RAB27A: variants seen among roughly 807,000 people sequenced by gnomAD.
The protein encoded by RAB27A is RAB27A, member RAS oncogene family, also known as ras-related protein Rab-27A.
Under a neutral mutation model 20.8 loss-of-function variants are expected in RAB27A, and 17 were observed. The observed-to-expected ratio is 0.82, with a 90% CI of 0.56 to 1.23. RAB27A has a LOEUF of 1.23. Ranked by LOEUF, RAB27A falls within the 50% of genes most tolerant of loss-of-function variation. The pLI is 0.00. For missense variants in RAB27A, 277 were observed against 266.7 expected (o/e 1.04, Z -0.27); for synonymous variants, 85 against 92.8 (o/e 0.92, Z 0.48).
intron 2 of RAB27A, among the ~76,000 whole-genome samples, chr15:55,311,777 AGTCCAGTTG>A (rs756317838): frequency 2.0e-5 from 3 of 152,178 alleles, no homozygotes; most frequent in Non-Finnish European, 4.4e-5. Flanking sequence ...AGCATGTGAG[AGTCCAGTTG>A]GTCCCAATTC....
intron 2 of RAB27A, among the ~76,000 whole-genome samples, chr15:55,247,365 T>C (rs1896727471): frequency 6.7e-6 from 1 of 149,928 alleles, no homozygotes; most frequent in African/African-American, 2.5e-5. Context: ...GAATTACAAA[T>C]CAGATAGCAC....
chr15:55,228,693 C>G lies in RAB27A; in HGVS notation c.259G>C (p.Ala87Pro), dbSNP rs104894497. ...GQERFRSLTTAFFRDAMGFLL... is the reference protein window; with the variant it reads ...GQERFRSLTTPFFRDAMGFLL... ...AAACCCATAGCATCTCTGAAGAACGCTGTCGTTAAGCTACGAAACCTAGGA... is the reference window on the plus strand; with the variant it reads ...AAACCCATAGCATCTCTGAAGAACGGTGTCGTTAAGCTACGAAACCTAGGA... Residue 87 changes from alanine (A) to proline (P), a missense_variant, in exon 5 of 7, where the codon GCG becomes CCG. By Grantham distance (27) the Ala-to-Pro change is conservative. Transcript: ENST00000336787. 277 of 1,613,508 alleles carry G rather than the reference C, an allele frequency of 1.7e-4. No homozygotes were observed. Among genetic ancestry groups the G allele is most frequent in the Non-Finnish European group, 2.2e-4 (265 of 1,179,552 alleles).
rs558141625 is a variant in RAB27A at position 55,259,825 on chromosome 15, C to T, written c.-23+10340G>A. On this transcript the variant is annotated intron_variant, in intron 2 of 6. Coordinates refer to ENST00000336787, the MANE Select transcript of RAB27A (RefSeq NM_183235.3). ...TGTTTCAGGGCTTTACATTTGGTTT[C>T]GCTGGTCATTTTGACCATCCCTGGG... 7 of 152,240 alleles carry T rather than the reference C, an allele frequency of 4.6e-5. No homozygotes were observed. In the East Asian group the frequency reaches 9.7e-4, roughly 21 times the overall value. The allele number at this position is 152,240 out of a possible 1,614,324, so 9.4% of individuals were successfully genotyped here.
chr15:55,279,352 G>A (rs1243060674), intron 1 of RAB27A, among the ~76,000 whole-genome samples: 2 of 152,174 alleles, frequency 1.3e-5, no homozygotes, highest in Non-Finnish European at 2.9e-5. Flanking sequence ...AATCACCTAG[G>A]ATATGTGATG....
intron 1 of RAB27A, chr15:55,318,928 T>C (rs12902710): frequency 0.44 from 121,004 of 273,514 alleles, 32,206 homozygotes; most frequent in African/African-American, 0.82. Flanking sequence ...ACCACTCAGG[T>C]ACCTCCGACT....
chr15:55,232,960 C>G (rs1473413846), intron 3 of RAB27A, among the ~76,000 whole-genome samples: 1 of 151,910 alleles, frequency 6.6e-6, no homozygotes, highest in African/African-American at 2.4e-5. Context: ...CCCATTACTA[C>G]TAAAAATATA....
rs1291576819 is a variant in RAB27A, at chr15:55,226,546, TGTGTGTATTA to T, written c.343+2053_343+2062del. Among the ~76,000 whole-genome samples the T allele has an allele frequency of 8.5e-5, 13 of 152,204 alleles. No homozygotes were observed. The South Asian group carries it at 2.3e-3, about 27-fold the overall frequency. On this transcript the variant is annotated intron_variant, in intron 5 of 6. Transcript: ENST00000336787. ...GTGTGTGTGTGTGTGAGTGTGTATT[TGTGTGTATTA>T]AGCTATTATTTTTATTAAAAAATAA...
At chr15:55,294,093 T>A (rs2054937327), upstream of RAB27A, among the ~76,000 whole-genome samples, 1 of 151,938 alleles carries the variant, frequency 6.6e-6, no homozygotes, top group Non-Finnish European at 1.5e-5. Context: ...AAAAAGTTCA[T>A]GCTTCCTGAT....
upstream of RAB27A, among the ~76,000 whole-genome samples, chr15:55,293,650 G>A (rs2054934581): frequency 6.6e-6 from 1 of 152,150 alleles, no homozygotes; most frequent in Non-Finnish European, 1.5e-5. Flanking sequence ...AGGCGCGGTG[G>A]CTCACGCTTG....
At chr15:55,301,284 G>T (rs979790993) in intron 2 of RAB27A, among the ~76,000 whole-genome samples, 1 of 152,084 alleles carries the variant, frequency 6.6e-6, no homozygotes, top group African/African-American at 2.4e-5. Flanking sequence ...GTAGAGACAG[G>T]TTCAACATAT....
intron 6 of RAB27A, among the ~76,000 whole-genome samples, chr15:55,211,298 T>C (rs1054448975): frequency 4.6e-5 from 7 of 152,166 alleles, no homozygotes; most frequent in Non-Finnish European, 1.0e-4. Context: ...AAGAATATTA[T>C]TGGTATTTTG....
intron 6 of RAB27A, among the ~76,000 whole-genome samples, chr15:55,211,530 G>T (rs554469739): frequency 6.6e-6 from 1 of 152,186 alleles, no homozygotes; most frequent in East Asian, 1.9e-4. Context: ...AAATGAGATT[G>T]CTTTCTTGAT....
intron 6 of RAB27A, among the ~76,000 whole-genome samples, chr15:55,213,349 G>A (rs1219148548): frequency 6.6e-6 from 1 of 152,172 alleles, no homozygotes; most frequent in African/African-American, 2.4e-5. Context: ...TTCTTGGCTA[G>A]TAACAGCTTC....
At chr15:55,205,769 G>T in intron 6 of RAB27A, 64 bp from the exon 7 acceptor site, 2 of 1,383,590 alleles carry the variant, frequency 1.4e-6, no homozygotes, top group Non-Finnish European at 1.0e-6. Flanking sequence ...CTTTGCTCTT[G>T]ATAATTCAAA....
At chr15:55,279,227 G>T (rs572503794) in intron 1 of RAB27A, among the ~76,000 whole-genome samples, 1 of 152,278 alleles carries the variant, frequency 6.6e-6, no homozygotes, top group African/African-American at 2.4e-5. Flanking sequence ...TCTCCACCCA[G>T]TGTCCGAGGC....
At position 55,276,107 on chromosome 15, in the gene RAB27A, T is replaced by C. The variant is rs145474697; in HGVS notation, c.-142-5823A>G. Reference sequence around the variant, plus strand: ...CCATAGGATTTGGCAATCCTACTTCTGGGTATAATACATCTGAAAGAATTG... The same window carrying C: ...CCATAGGATTTGGCAATCCTACTTCCGGGTATAATACATCTGAAAGAATTG... On this transcript the variant is annotated intron_variant, in intron 1 of 6. Coordinates refer to ENST00000336787, the MANE Select transcript of RAB27A (RefSeq NM_183235.3). Among the ~76,000 whole-genome samples the C allele has an allele frequency of 3.5e-3, 531 of 152,200 alleles. 1 individual carries two copies. Among genetic ancestry groups the C allele is most frequent in the African/African-American group, 0.012 (501 of 41,538 alleles).
intron 6 of RAB27A, among the ~76,000 whole-genome samples, chr15:55,209,479 T>C (rs987501470): frequency 1.3e-5 from 2 of 152,210 alleles, no homozygotes; most frequent in African/African-American, 2.4e-5. Context: ...TTTCATTCTT[T>C]TTATGGTGGA....
At chr15:55,291,209 G>C (rs1415693247), upstream of RAB27A, among the ~76,000 whole-genome samples, 1 of 152,136 alleles carries the variant, frequency 6.6e-6, no homozygotes, top group Non-Finnish European at 1.5e-5. Context: ...CAGACTGTTG[G>C]TGAGGTTAAG....
At chr15:55,251,665 T>A (rs926538097) in intron 2 of RAB27A, among the ~76,000 whole-genome samples, 4 of 152,184 alleles carry the variant, frequency 2.6e-5, no homozygotes, top group African/African-American at 9.7e-5. Flanking sequence ...TAACTGAGAA[T>A]ATATTATTTT....
Sources: gnomAD v4.1 joint callset for allele counts (sites outside exome capture counted in the v4.1 genomes callset) on GRCh38, gnomAD v4.1.1 for gene constraint, MANE v1.5 for transcripts, NCBI Gene and HGNC (gene_info 2026-07-23, HGNC 2026-07-21) for gene names.